Variants in CMTM4 observed in about 807,000 individuals in gnomAD.
CMTM4 encodes the protein CKLF like MARVEL transmembrane domain containing 4.
A neutral mutation model predicts 19.0 loss-of-function variants in CMTM4; 8 were observed. The observed-to-expected ratio is 0.42, with a 90% CI of 0.25 to 0.76. The LOEUF (loss-of-function observed/expected upper bound fraction) is 0.76. Ranked by LOEUF, CMTM4 falls within the 30% of genes least tolerant of loss-of-function variation. The pLI, the probability that CMTM4 is intolerant of heterozygous loss-of-function variation, is 0.27. For missense variants in CMTM4, 228 were observed against 290.2 expected (o/e 0.79, Z 1.56); for synonymous variants, 106 against 121.1 (o/e 0.88, Z 0.82).
chr16:66,637,348 C>G (rs1172422117), intron 1 of CMTM4, among the ~76,000 whole-genome samples: 1 of 152,036 alleles, frequency 6.6e-6, no homozygotes, highest in Non-Finnish European at 1.5e-5. Context: ...AGTTCAAGAC[C>G]AGCCTGACCA....
chr16:66,601,083 TTGTGTGTGTGTGTGTGTGTGTGTCTG>T, the CMTM4 span, among the ~76,000 whole-genome samples: 5 of 146,790 alleles, frequency 3.4e-5, no homozygotes, highest in African/African-American at 1.3e-4. Flanking sequence ...CTCCCATGGT[TTGTGTGTGTGTGTGTGTGTGTGTCTG>T]TGTGTGTGTG....
chr16:66,653,086 C>T (rs529059604), intron 1 of CMTM4, among the ~76,000 whole-genome samples: 1 of 152,104 alleles, frequency 6.6e-6, no homozygotes, highest in Non-Finnish European at 1.5e-5. Context: ...AAGCTGAAAT[C>T]CCAGAAAGCA....
intron 2 of CMTM4, among the ~76,000 whole-genome samples, chr16:66,629,621 G>C (rs940039471): frequency 1.3e-5 from 2 of 152,086 alleles, no homozygotes; most frequent in Admixed American, 1.3e-4. Context: ...TTATGCTAAC[G>C]AAGTGACTTT....
intron 1 of CMTM4, among the ~76,000 whole-genome samples, chr16:66,694,930 C>T (rs568376803): frequency 1.3e-5 from 2 of 152,240 alleles, no homozygotes; most frequent in South Asian, 2.1e-4. Context: ...CAGAACAAGC[C>T]TTTCACCCAA....
chr16:66,639,174 A>ATTCACAAAAGAAATAG (rs1053129332), intron 1 of CMTM4, among the ~76,000 whole-genome samples: 5 of 152,192 alleles, frequency 3.3e-5, no homozygotes, highest in Admixed American at 1.3e-4. Context: ...CTTGCAATCA[A>ATTCACAAAAGAAATAG]TTCACAAAAG....
intron 1 of CMTM4, among the ~76,000 whole-genome samples, chr16:66,663,265 T>C (rs1189015023): frequency 2.6e-5 from 4 of 152,166 alleles, no homozygotes; most frequent in Non-Finnish European, 5.9e-5. Context: ...TCAATTCATA[T>C]GGAAAAAGAC....
At chr16:66,657,548 CAG>C (rs918197255) in intron 1 of CMTM4, among the ~76,000 whole-genome samples, 33 of 151,834 alleles carry the variant, frequency 2.2e-4, no homozygotes, top group Middle Eastern at 3.4e-3. Context: ...TATAAACACA[CAG>C]AGAGAGAGAG....
intron 1 of CMTM4, among the ~76,000 whole-genome samples, chr16:66,665,448 A>C (rs942577149): frequency 1.3e-5 from 2 of 152,086 alleles, no homozygotes; most frequent in Non-Finnish European, 2.9e-5. Context: ...AAATTTCTTC[A>C]AAATTAGAAA....
chr16:66,679,545 C>T (rs986989708), intron 1 of CMTM4, among the ~76,000 whole-genome samples: 1 of 151,912 alleles, frequency 6.6e-6, no homozygotes, highest in South Asian at 2.1e-4. Flanking sequence ...CTGATGAGGC[C>T]GGGCATGGTG....
At chr16:66,612,562 C>T (rs747504743), downstream of CMTM4, 19 of 1,604,376 alleles carry the variant, frequency 1.2e-5, no homozygotes, top group East Asian at 1.6e-4. The surrounding 1 kb of genome is among the most constrained non-coding windows in gnomAD (Gnocchi z 6.0). Flanking sequence ...TCCCAGGCAC[C>T]GCTGCCCTGA....
intron 1 of CMTM4, among the ~76,000 whole-genome samples, chr16:66,675,074 A>ATT (rs112117198): frequency 2.0e-5 from 3 of 147,834 alleles, no homozygotes; most frequent in African/African-American, 7.5e-5. Flanking sequence ...TACTTAAAAA[A>ATT]ATTTTTTTTT....
intron 1 of CMTM4, among the ~76,000 whole-genome samples, chr16:66,675,926 A>G (rs1331883022): frequency 3.3e-5 from 5 of 151,854 alleles, no homozygotes; most frequent in African/African-American, 1.2e-4. Flanking sequence ...CAGTGGTGCG[A>G]TCATAGCTTG....
At chr16:66,676,035 T>C (rs551795384) in intron 1 of CMTM4, among the ~76,000 whole-genome samples, 2 of 151,532 alleles carry the variant, frequency 1.3e-5, no homozygotes, top group East Asian at 3.9e-4. Flanking sequence ...AAAAAAAAAA[T>C]AAATAAATCA....
intron 1 of CMTM4, among the ~76,000 whole-genome samples, chr16:66,674,523 TGACA>T (rs758795382): frequency 6.6e-6 from 1 of 152,028 alleles, no homozygotes; most frequent in Non-Finnish European, 1.5e-5. Context: ...ATCAACTGCT[TGACA>T]GATATGCTGA....
chr16:66,604,700 A>T, the CMTM4 span: 1 of 887,010 alleles, frequency 1.1e-6, no homozygotes, highest in South Asian at 5.5e-5. Flanking sequence ...CCCCTGCGCG[A>T]GCCAGTGTCG....
Position 66,619,026 on chromosome 16 carries a change from C to T in CMTM4, c.*3032G>A. The T allele has an allele frequency of 1.0e-6, 1 of 985,492 alleles. No individual in the cohort carries two copies. The highest frequency in any genetic ancestry group is 1.2e-6 in the Non-Finnish European group (1 of 829,944). The allele number at this position is 985,492 out of a possible 1,614,324, so 61.0% of individuals were successfully genotyped here. A position where few individuals can be genotyped will look rare whatever the true frequency, so the allele number is the denominator to read the frequency against. ...TTTTTCTGTAGACAAAAGTCACCTC[C>T]CTCGGATGGCTGTTTACTTCAAATC... On this transcript the variant is annotated 3_prime_UTR_variant, in exon 4 of 4. Transcript: ENST00000394106.
chr16:66,618,717 C>G lies in CMTM4; in HGVS notation c.*3341G>C, dbSNP rs1246494612. 9.1e-6 allele frequency: 9 copies of G among 985,386 alleles called. No homozygotes were observed. Among genetic ancestry groups the G allele is most frequent in the Non-Finnish European group, 9.6e-6 (8 of 829,960 alleles). 61.0% of individuals were successfully genotyped at this position (985,386 alleles called of 1,614,324 possible). On this transcript the variant is annotated 3_prime_UTR_variant, in exon 4 of 4. Transcript: ENST00000394106. Reference sequence around the variant, plus strand: ...ACTCACTAGGACAGCTTCCAAGAACCACAGATGTAACTGCAAACTTGAAGA... The same window carrying G: ...ACTCACTAGGACAGCTTCCAAGAACGACAGATGTAACTGCAAACTTGAAGA...
chr16:66,626,533 G>GGGGC (rs1445197635), intron 2 of CMTM4, among the ~76,000 whole-genome samples: 1 of 152,204 alleles, frequency 6.6e-6, no homozygotes, highest in Non-Finnish European at 1.5e-5. Flanking sequence ...TAGAGGCCAG[G>GGGGC]GGGCGGAGAT....
In CMTM4 at chr16:66,696,466, G is replaced by A; in HGVS notation, c.60C>T (p.Ile20=). ...GCTGGTACGGGCTGCTGGCGCCCGA[G>A]ATCATGGAGGTGCTCGAGGCCTCGC... is the stretch of plus-strand genomic sequence containing the variant. The part of the protein sequence containing the change: ...FEGEASSTSM[I]SGASSPYQPT... The change falls in exon 1 of 4, where the codon ATC becomes ATT. Residue 20 remains isoleucine, a synonymous_variant. Transcript: ENST00000394106. The surrounding 1 kb of genome is among the most constrained non-coding windows in gnomAD (Gnocchi z 4.3). The A allele has an allele frequency of 7.6e-7, 1 of 1,310,172 alleles. No homozygotes were observed. Among genetic ancestry groups the A allele is most frequent in the Non-Finnish European group, 9.7e-7 (1 of 1,027,568 alleles). The allele number at this position is 1,310,172 out of a possible 1,614,324, so 81.2% of individuals were successfully genotyped here. A position where few individuals can be genotyped will look rare whatever the true frequency, so the allele number is the denominator to read the frequency against.
Sources: allele counts gnomAD v4.1 joint callset (sites outside exome capture counted in the v4.1 genomes callset), GRCh38; gene constraint gnomAD v4.1.1; non-coding constraint Gnocchi (gnomAD v3.1); transcripts MANE v1.5; gene names NCBI Gene and HGNC (gene_info 2026-07-23, HGNC 2026-07-21).